The following PCED1B variants were observed in gnomAD, a reference collection of about 807,000 sequenced individuals.
PCED1B encodes PC-esterase domain containing 1B.
For synonymous variants in PCED1B, 251 were observed against 246.1 expected, an observed-to-expected ratio of 1.02 and a Z score of -0.19; for missense variants, 573 against 573.9, an observed-to-expected ratio of 1.00 and a Z score of 0.02.
At chr12:47,150,577 CA>C (rs112820226) in intron 2 of PCED1B, among the ~76,000 whole-genome samples, 5,452 of 133,076 alleles carry the variant, frequency 0.041, 104 homozygotes, top group South Asian at 0.073. Context: ...GACTCCATCT[CA>C]AAAAAAAAAA....
At chr12:47,115,592 T>A (rs912467031) in intron 2 of PCED1B, among the ~76,000 whole-genome samples, 21 of 152,182 alleles carry the variant, frequency 1.4e-4, no homozygotes, top group Non-Finnish European at 5.9e-5. Context: ...TTCCCCTGCT[T>A]ATTCTAGAAA....
At position 47,236,313 on chromosome 12, in the gene PCED1B, G is replaced by C. The variant is rs753668115; in HGVS notation, c.1250G>C (p.Arg417Pro). 1 of 1,612,302 alleles carries C rather than the reference G, an allele frequency of 6.2e-7. No individual in the cohort carries two copies. Among genetic ancestry groups the C allele is most frequent in the Non-Finnish European group, 8.5e-7 (1 of 1,179,236 alleles). The change falls in exon 4 of 4, where the codon CGA becomes CCA. Residue 417 changes from arginine to proline, a missense_variant. Arg to Pro is a moderately radical substitution (Grantham distance 103). Transcript: ENST00000546455. ...GPYTPWGQRPRPSKRRAPANP... is the reference protein window; with the variant it reads ...GPYTPWGQRPPPSKRRAPANP... Reference sequence around the variant, plus strand: ...TATACGCCCTGGGGACAGCGGCCTCGACCTTCAAAGAGAAGGGCCCCAGCC... The same window carrying C: ...TATACGCCCTGGGGACAGCGGCCTCCACCTTCAAAGAGAAGGGCCCCAGCC...
chr12:47,185,699 G>T (rs1022285215), intron 2 of PCED1B, among the ~76,000 whole-genome samples: 1 of 151,506 alleles, frequency 6.6e-6, no homozygotes, highest in African/African-American at 2.4e-5. Context: ...TGAGGCAGCA[G>T]AACTGCTTGA....
At chr12:47,108,344 G>C (rs1939048220) in intron 2 of PCED1B, among the ~76,000 whole-genome samples, 1 of 152,176 alleles carries the variant, frequency 6.6e-6, no homozygotes, top group Non-Finnish European at 1.5e-5. Context: ...TACTGGCTCA[G>C]CTATCTAAAT....
intron 2 of PCED1B, among the ~76,000 whole-genome samples, chr12:47,215,402 C>T (rs1024523346): frequency 6.6e-6 from 1 of 151,894 alleles, no homozygotes; most frequent in Non-Finnish European, 1.5e-5. Flanking sequence ...TACAGGGGCC[C>T]ACCACCACGC....
intron 3 of PCED1B, among the ~76,000 whole-genome samples, chr12:47,217,103 A>T (rs866372803): frequency 6.6e-6 from 1 of 152,126 alleles, no homozygotes; most frequent in Non-Finnish European, 1.5e-5. Context: ...TATAAAATGG[A>T]GAAAATTAGA....
intron 1 of PCED1B, among the ~76,000 whole-genome samples, chr12:47,102,943 T>G (rs1462529989): frequency 6.6e-6 from 1 of 152,162 alleles, no homozygotes; most frequent in Non-Finnish European, 1.5e-5. Flanking sequence ...AAAATATTTG[T>G]GAAGCAAGCA....
At position 47,079,683 on chromosome 12, in the gene PCED1B, G is replaced by GCTCCCGGGGGCT. The variant is rs1172509052; in HGVS notation, c.-642_-631dup. ...GACGCAGCAGCCAAGCTCTTCGCTG[G>GCTCCCGGGGGCT]CTCCCGGGGGCTCTCCCGGGTTCCT... On this transcript the variant is annotated 5_prime_UTR_variant, in exon 1 of 4. Coordinates refer to ENST00000546455, the MANE Select transcript of PCED1B (RefSeq NM_138371.3). The GCTCCCGGGGGCT allele has an allele frequency of 1.3e-5, 2 of 152,080 alleles. No homozygotes were observed. Among genetic ancestry groups the GCTCCCGGGGGCT allele is most frequent in the African/African-American group, 4.8e-5 (2 of 41,410 alleles). The allele number at this position is 152,080 out of a possible 1,614,324, so 9.4% of individuals were successfully genotyped here.
intron 3 of PCED1B, among the ~76,000 whole-genome samples, chr12:47,220,420 C>A (rs1411088905): frequency 6.6e-6 from 1 of 152,194 alleles, no homozygotes; most frequent in South Asian, 2.1e-4. Context: ...GATCCACCCA[C>A]CTCGGCCTCC....
intron 2 of PCED1B, among the ~76,000 whole-genome samples, chr12:47,214,348 A>T (rs1182245111): frequency 6.6e-6 from 1 of 152,234 alleles, no homozygotes; most frequent in East Asian, 1.9e-4. Flanking sequence ...TACTATTAAA[A>T]AAAGCTAAGT....
chr12:47,166,731 A>G (rs1565578174), intron 2 of PCED1B, among the ~76,000 whole-genome samples: 1 of 152,210 alleles, frequency 6.6e-6, no homozygotes, highest in East Asian at 1.9e-4. Context: ...TAATAATAAT[A>G]AAAGCATCTC....
At chr12:47,215,870 C>A (rs1032620401) in intron 2 of PCED1B, among the ~76,000 whole-genome samples, 5 of 135,804 alleles carry the variant, frequency 3.7e-5, no homozygotes, top group Non-Finnish European at 8.0e-5. Flanking sequence ...GACTGGCCAA[C>A]ATGGTGAAAC....
chr12:47,168,228 C>T (rs1393414881), intron 2 of PCED1B, among the ~76,000 whole-genome samples: 1 of 152,110 alleles, frequency 6.6e-6, no homozygotes, highest in African/African-American at 2.4e-5. Flanking sequence ...TCTTTTAAGC[C>T]TCCTTCTGTC....
chr12:47,203,475 C>T (rs183555337), intron 2 of PCED1B, among the ~76,000 whole-genome samples: 370 of 152,252 alleles, frequency 2.4e-3, no homozygotes, highest in Non-Finnish European at 4.3e-3. Flanking sequence ...CTCTCACCCT[C>T]CGACAGGCCC....
At chr12:47,226,577 G>A (rs1831246790) in intron 3 of PCED1B, among the ~76,000 whole-genome samples, 1 of 152,182 alleles carries the variant, frequency 6.6e-6, no homozygotes, top group Non-Finnish European at 1.5e-5. Context: ...GTTTCAACAT[G>A]TTGGCCAGGC....
intron 3 of PCED1B, among the ~76,000 whole-genome samples, chr12:47,217,470 G>GAA (rs1555155044): frequency 0.065 from 5,880 of 90,704 alleles, 294 homozygotes; most frequent in South Asian, 0.11. Context: ...AAGAAAGAAA[G>GAA]AGAAAGAAAG....
At chr12:47,214,785 T>C (rs992822887) in intron 2 of PCED1B, among the ~76,000 whole-genome samples, 1 of 152,220 alleles carries the variant, frequency 6.6e-6, no homozygotes, top group African/African-American at 2.4e-5. Flanking sequence ...CTTTTATAAA[T>C]ATAAATTTAT....
At chr12:47,221,690 A>G (rs548458627) in intron 3 of PCED1B, among the ~76,000 whole-genome samples, 1 of 152,368 alleles carries the variant, frequency 6.6e-6, no homozygotes, top group East Asian at 1.9e-4. Context: ...ATGTGCTGCC[A>G]TCATTCCCAT....
At chr12:47,162,337 G>T (rs1425497389) in intron 2 of PCED1B, among the ~76,000 whole-genome samples, 1 of 152,068 alleles carries the variant, frequency 6.6e-6, no homozygotes, top group African/African-American at 2.4e-5. Flanking sequence ...TCACAGTTCT[G>T]CAGAGTGTAC....
Sources: gnomAD v4.1 joint callset for allele counts (sites outside exome capture counted in the v4.1 genomes callset) on GRCh38, gnomAD v4.1.1 for gene constraint, MANE v1.5 for transcripts, NCBI Gene and HGNC (gene_info 2026-07-23, HGNC 2026-07-21) for gene names.